Variants in ETFBKMT observed in about 807,000 individuals in gnomAD.
ETFBKMT encodes the protein electron transfer flavoprotein beta subunit lysine methyltransferase.
Under a neutral mutation model 18.3 loss-of-function variants are expected in ETFBKMT, and 13 were observed. The observed-to-expected ratio is 0.71, with a 90% CI of 0.46 to 1.13. The LOEUF (loss-of-function observed/expected upper bound fraction) is 1.13, where lower values mean the gene tolerates loss of function less well. Among genes scored for constraint, ETFBKMT ranks in the 50% most tolerant of loss-of-function variants. The probability of loss-of-function intolerance (pLI) is 0.00; values close to 1 mark genes in which losing one functional copy is unlikely to be tolerated. For synonymous variants in ETFBKMT, 84 were observed against 107.9 expected, an observed-to-expected ratio of 0.78 and a Z score of 1.37; for missense variants, 293 against 306.2, an observed-to-expected ratio of 0.96 and a Z score of 0.32.
chr12:31,665,931 C>T (rs1370831508), intron 2 of ETFBKMT, among the ~76,000 whole-genome samples, 156 bp from the exon 3 acceptor site: 1 of 152,208 alleles, frequency 6.6e-6, no homozygotes, highest in Non-Finnish European at 1.5e-5. Context: ...AGCCTTCCAG[C>T]GTGGGTGTTA....
Position 31,666,218 on chromosome 12 carries a change from GTAAGGATTCATATTTTAAAATATT to G in ETFBKMT, c.445+7_445+30del, listed in dbSNP as rs926820826. On this transcript the variant is annotated splice_donor_variant and splice_donor_5th_base_variant and intron_variant, in intron 3 of 3. Transcript: ENST00000357721. LOFTEE classifies it high-confidence loss of function. ...ATCTTGGCCAATGACATAGACCCTA[GTAAGGATTCATATTTTAAAATATT>G]TAAGGCTCATCTTTTTTTTTTCTCT... 1.2e-6 allele frequency: 2 copies of G among 1,603,364 alleles called. No individual in the cohort carries two copies. The highest frequency in any genetic ancestry group is 2.7e-5 in the African/African-American group (2 of 73,970).
chr12:31,655,719 T>G (rs1252915820), upstream of ETFBKMT, among the ~76,000 whole-genome samples: 3 of 152,230 alleles, frequency 2.0e-5, no homozygotes, highest in Non-Finnish European at 2.9e-5. Flanking sequence ...CTATCTCCCT[T>G]TTCCTGCATG....
chr12:31,651,810 A>C (rs1256315600), intron 1 of ETFBKMT, among the ~76,000 whole-genome samples: 4 of 152,184 alleles, frequency 2.6e-5, no homozygotes, highest in Non-Finnish European at 5.9e-5. Context: ...GAGTATGGGA[A>C]TCCTCAGTAA....
upstream of ETFBKMT, among the ~76,000 whole-genome samples, chr12:31,656,150 T>C (rs1951060305): frequency 6.6e-6 from 1 of 152,200 alleles, no homozygotes; most frequent in African/African-American, 2.4e-5. Flanking sequence ...CAGTGACGGT[T>C]CTGCTTGATA....
At chr12:31,664,658 C>T (rs1592137215) in intron 2 of ETFBKMT, among the ~76,000 whole-genome samples, 1 of 148,348 alleles carries the variant, frequency 6.7e-6, no homozygotes, top group East Asian at 2.0e-4. Context: ...CTCTTGTTGC[C>T]CAGGCTGGAG....
intron 2 of ETFBKMT, among the ~76,000 whole-genome samples, chr12:31,663,639 C>A (rs759541031): frequency 6.6e-6 from 1 of 152,238 alleles, no homozygotes; most frequent in African/African-American, 2.4e-5. Flanking sequence ...ATGACACATA[C>A]AAGTAGCAAG....
At chr12:31,651,995 G>C (rs931549294) in intron 1 of ETFBKMT, among the ~76,000 whole-genome samples, 4 of 152,110 alleles carry the variant, frequency 2.6e-5, no homozygotes, top group African/African-American at 4.8e-5. Context: ...CCCTTTGTCA[G>C]CCACGTGTAC....
In ETFBKMT at chr12:31,672,174, G is replaced by A. The variant is rs1336150571; in HGVS notation, c.*4184G>A. 10 of 666,606 alleles carry A rather than the reference G, an allele frequency of 1.5e-5. No individual in the cohort carries two copies. The highest frequency in any genetic ancestry group is 2.6e-5 in the Non-Finnish European group (10 of 383,930). The allele number at this position is 666,606 out of a possible 1,614,324, so 41.3% of individuals were successfully genotyped here. A position where few individuals can be genotyped will look rare whatever the true frequency, so the allele number is the denominator to read the frequency against. ...CCAAGACTTAGCTAATTCTCTGAGA[G>A]TTATAACTTAAGACAATAAAATAAT... On this transcript the variant is annotated 3_prime_UTR_variant, in exon 4 of 4. Coordinates refer to ENST00000357721, the MANE Select transcript of ETFBKMT (RefSeq NM_001135863.2).
chr12:31,668,131 G>A lies in ETFBKMT; in HGVS notation c.*141G>A. The A allele has an allele frequency of 1.4e-6, 1 of 714,712 alleles. No homozygotes were observed. 44.3% of individuals were successfully genotyped at this position (714,712 alleles called of 1,614,324 possible). A position where few individuals can be genotyped will look rare whatever the true frequency, so the allele number is the denominator to read the frequency against. ...CTTGTTTTTAAAATATGAAGGTTTA[G>A]AGTTTTGTTTACTTTTGTCATGTAA... On this transcript the variant is annotated 3_prime_UTR_variant, in exon 4 of 4. Transcript: ENST00000357721.
At chr12:31,657,652 T>C (rs577319132), upstream of ETFBKMT, among the ~76,000 whole-genome samples, 1 of 150,944 alleles carries the variant, frequency 6.6e-6, no homozygotes, top group South Asian at 2.1e-4. Context: ...ATTAGCTGGG[T>C]GTGGTGGTGT....
At chr12:31,651,656 A>G (rs1951019486) in intron 1 of ETFBKMT, among the ~76,000 whole-genome samples, 1 of 152,042 alleles carries the variant, frequency 6.6e-6, no homozygotes, top group Admixed American at 6.6e-5. Context: ...GTAGAAAGAG[A>G]AAATAACCCT....
chr12:31,650,138 C>T (rs116243837), intron 1 of ETFBKMT, among the ~76,000 whole-genome samples: 1 of 150,524 alleles, frequency 6.6e-6, no homozygotes, highest in African/African-American at 2.4e-5. Context: ...GCTACATTTC[C>T]AGTAAGTTAA....
chr12:31,657,504 A>C (rs1951072071), upstream of ETFBKMT, among the ~76,000 whole-genome samples: 1 of 152,174 alleles, frequency 6.6e-6, no homozygotes. Flanking sequence ...AATATAAAGA[A>C]TAATCTTGGC....
intron 3 of ETFBKMT, among the ~76,000 whole-genome samples, chr12:31,667,125 G>C (rs1219587095): frequency 6.6e-6 from 1 of 151,974 alleles, no homozygotes; most frequent in African/African-American, 2.4e-5. Context: ...CTCCCGAGTA[G>C]CTGGGATTAC....
chr12:31,656,078 T>C (rs1951059686), upstream of ETFBKMT, among the ~76,000 whole-genome samples: 1 of 152,154 alleles, frequency 6.6e-6, no homozygotes, highest in Non-Finnish European at 1.5e-5. Flanking sequence ...TTTAACAGAG[T>C]TTATTGAGTG....
Position 31,648,775 on chromosome 12 carries a change from A to C in ETFBKMT, c.-114+1520A>C, listed in dbSNP as rs78760994. Among the ~76,000 whole-genome samples, 1,144 of 151,290 alleles carry C rather than the reference A, an allele frequency of 7.6e-3. 6 individuals carry two copies. Among genetic ancestry groups the C allele is most frequent in the Non-Finnish European group, 0.013 (865 of 67,828 alleles). On this transcript the variant is annotated intron_variant, in intron 1 of 3. Coordinates refer to the ETFBKMT transcript ENST00000412352. ...ACAGGGTTTCACCATGTTAGCCAGG[A>C]TGGTCTCGATCTCCTGACCTTGTGA...
upstream of ETFBKMT, among the ~76,000 whole-genome samples, chr12:31,654,431 C>G (rs1186970763): frequency 6.6e-6 from 1 of 152,102 alleles, no homozygotes; most frequent in Non-Finnish European, 1.5e-5. Flanking sequence ...GGTATTTATG[C>G]AAAGGAAAGA....
Position 31,668,623 on chromosome 12 carries a change from G to T in ETFBKMT, c.*633G>T. ...TTGTCCTGTCTCAGCCTCCAGAGTAGCTGGGATTTTAGGTGTGCACCACCA... is the reference window on the plus strand; with the variant it reads ...TTGTCCTGTCTCAGCCTCCAGAGTATCTGGGATTTTAGGTGTGCACCACCA... On this transcript the variant is annotated 3_prime_UTR_variant, in exon 4 of 4. Coordinates refer to ENST00000357721, the MANE Select transcript of ETFBKMT (RefSeq NM_001135863.2). 1 of 152,250 alleles carries T rather than the reference G, an allele frequency of 6.6e-6. No individual in the cohort carries two copies. Among genetic ancestry groups the T allele is most frequent in the Non-Finnish European group, 1.5e-5 (1 of 68,122 alleles). 9.4% of individuals were successfully genotyped at this position (152,250 alleles called of 1,614,324 possible). A position where few individuals can be genotyped will look rare whatever the true frequency, so the allele number is the denominator to read the frequency against.
chr12:31,663,096 A>T (rs1309869636), intron 2 of ETFBKMT, among the ~76,000 whole-genome samples: 4 of 147,224 alleles, frequency 2.7e-5, no homozygotes, highest in African/African-American at 5.0e-5. Flanking sequence ...ACAAAAAAAA[A>T]TTTTTTTTTT....
Sources: allele counts gnomAD v4.1 joint callset (sites outside exome capture counted in the v4.1 genomes callset), GRCh38; gene constraint gnomAD v4.1.1; transcripts MANE v1.5; gene names NCBI Gene and HGNC (gene_info 2026-07-23, HGNC 2026-07-21).